IL1RAPL2: variants seen among roughly 807,000 people sequenced by gnomAD.
IL1RAPL2 encodes the protein interleukin 1 receptor accessory protein like 2, also known as X-linked interleukin-1 receptor accessory protein-like 2.
Under a neutral mutation model 44.1 loss-of-function variants are expected in IL1RAPL2, and 3 were observed. That is an observed-to-expected ratio of 0.07 (90% CI 0.03 to 0.18). The LOEUF (loss-of-function observed/expected upper bound fraction) is 0.18. Ranked by LOEUF, IL1RAPL2 falls within the 10% of genes least tolerant of loss-of-function variation. The probability of loss-of-function intolerance (pLI) is 1.00; values close to 1 mark genes in which losing one functional copy is unlikely to be tolerated. For missense variants in IL1RAPL2, 391 were observed against 496.4 expected, an observed-to-expected ratio of 0.79 and a Z score of 2.02; for synonymous variants, 181 against 178.8, an observed-to-expected ratio of 1.01 and a Z score of -0.10.
intron 2 of IL1RAPL2, among the ~76,000 whole-genome samples, chrX:104,812,275 T>C (rs1480786551): frequency 1.8e-5 from 2 of 111,649 alleles, no homozygotes; most frequent in African/African-American, 6.5e-5. Flanking sequence ...AATATGATAG[T>C]GTCTATATTT....
intron 1 of IL1RAPL2, among the ~76,000 whole-genome samples, chrX:104,604,633 C>CAAAAAAAAA (rs36050333): frequency 4.8e-4 from 15 of 31,090 alleles, no homozygotes; most frequent in Non-Finnish European, 5.7e-4. Flanking sequence ...AAATGCATAG[C>CAAAAAAAAA]AAAAAAAAAA....
intron 6 of IL1RAPL2, among the ~76,000 whole-genome samples, chrX:105,570,720 C>T (rs1216612531): frequency 8.9e-6 from 1 of 112,152 alleles, no homozygotes; most frequent in Non-Finnish European, 1.9e-5. Context: ...CATTCTACCT[C>T]CCACTTTTAA....
intron 2 of IL1RAPL2, among the ~76,000 whole-genome samples, chrX:105,029,586 A>C (rs140697810): frequency 0.46 from 49,447 of 106,531 alleles, 9,367 homozygotes; most frequent in East Asian, 0.75. Context: ...TGAACTCATC[A>C]TTTTTTATGG....
chrX:105,580,428 C>A (rs1273537619), intron 6 of IL1RAPL2, among the ~76,000 whole-genome samples: 4 of 102,973 alleles, frequency 3.9e-5, no homozygotes, highest in Non-Finnish European at 7.9e-5. Flanking sequence ...AGCTGAATGA[C>A]TGTACAGCTG....
chrX:104,597,872 A>G (rs778745916), intron 1 of IL1RAPL2, among the ~76,000 whole-genome samples: 2 of 111,983 alleles, frequency 1.8e-5, no homozygotes, highest in Non-Finnish European at 3.8e-5. Flanking sequence ...GTACCTATTG[A>G]ACATCAAATG....
At chrX:104,824,987 G>A (rs1458102521) in intron 2 of IL1RAPL2, among the ~76,000 whole-genome samples, 3 of 111,275 alleles carry the variant, frequency 2.7e-5, no homozygotes, top group Non-Finnish European at 1.9e-5. Context: ...TAAATGGGGA[G>A]GATAATGAAA....
At chrX:104,910,760 C>T (rs1165281304) in intron 2 of IL1RAPL2, among the ~76,000 whole-genome samples, 2 of 111,841 alleles carry the variant, frequency 1.8e-5, no homozygotes, top group Non-Finnish European at 3.8e-5. Flanking sequence ...TTCACGTGCA[C>T]ACCTAATTCA....
chrX:105,448,232 G>A (rs1462049747), intron 5 of IL1RAPL2, among the ~76,000 whole-genome samples: 2 of 109,441 alleles, frequency 1.8e-5, no homozygotes, highest in Non-Finnish European at 3.8e-5. Flanking sequence ...TGGGTTAAGT[G>A]TGCTGGGTGT....
At chrX:104,814,577 A>C (rs2147620381) in intron 2 of IL1RAPL2, among the ~76,000 whole-genome samples, 1 of 112,097 alleles carries the variant, frequency 8.9e-6, no homozygotes, top group South Asian at 3.7e-4. Flanking sequence ...AATCTAACAT[A>C]GAGGAAGACC....
chrX:104,862,271 G>C (rs779399703), intron 2 of IL1RAPL2, among the ~76,000 whole-genome samples: 2 of 110,843 alleles, frequency 1.8e-5, no homozygotes, highest in East Asian at 2.8e-4. Flanking sequence ...CCTTAAATAA[G>C]TCATTGGTTA....
At chrX:105,431,598 C>A (rs987893447) in intron 5 of IL1RAPL2, among the ~76,000 whole-genome samples, 1 of 111,258 alleles carries the variant, frequency 9.0e-6, no homozygotes, top group Non-Finnish European at 1.9e-5. Context: ...CATTAAAAAT[C>A]TCTTCTAGCT....
chrX:105,052,439 C>G lies in IL1RAPL2; in HGVS notation c.83-143036C>G, dbSNP rs1360255075. Reference sequence around the variant, plus strand: ...TTTAGAATTCTGTTATAATGGAACACAAGGGATATTGAAAGAAAATTAGGT... The same window carrying G: ...TTTAGAATTCTGTTATAATGGAACAGAAGGGATATTGAAAGAAAATTAGGT... On this transcript the variant is annotated intron_variant, in intron 2 of 10. Transcript: ENST00000372582. 2.7e-5 allele frequency among the ~76,000 whole-genome samples: 3 copies of G among 111,474 alleles called. No homozygotes were observed. The East Asian group carries it at 8.4e-4, about 31-fold the overall frequency.
intron 6 of IL1RAPL2, among the ~76,000 whole-genome samples, chrX:105,675,091 A>T (rs1320770172): frequency 2.7e-5 from 3 of 110,886 alleles, no homozygotes; most frequent in African/African-American, 9.9e-5. Flanking sequence ...TAGATATAGG[A>T]TCATGTCATC....
At chrX:105,308,125 C>T (rs1170246485) in intron 5 of IL1RAPL2, among the ~76,000 whole-genome samples, 1 of 111,163 alleles carries the variant, frequency 9.0e-6, no homozygotes, top group Non-Finnish European at 1.9e-5. Context: ...CTCATACCTC[C>T]AGTTTCAATC....
At chrX:104,973,709 T>C (rs1000447129) in intron 2 of IL1RAPL2, among the ~76,000 whole-genome samples, 1 of 112,018 alleles carries the variant, frequency 8.9e-6, no homozygotes, top group Non-Finnish European at 1.9e-5. Context: ...ACACAAAAAA[T>C]TTATTTTATA....
chrX:105,686,627 G>C (rs899388243), intron 6 of IL1RAPL2, among the ~76,000 whole-genome samples: 2 of 110,546 alleles, frequency 1.8e-5, no homozygotes, highest in Non-Finnish European at 3.8e-5. Context: ...AATAATGGGA[G>C]ACTTTAACAC....
intron 2 of IL1RAPL2, among the ~76,000 whole-genome samples, chrX:105,039,098 G>T (rs1227256200): frequency 1.8e-5 from 2 of 111,582 alleles, no homozygotes; most frequent in African/African-American, 6.5e-5. Flanking sequence ...AAGATTAAAA[G>T]AACAAAGTAC....
chrX:105,558,800 A>G, intron 6 of IL1RAPL2, among the ~76,000 whole-genome samples: 1 of 112,363 alleles, frequency 8.9e-6, no homozygotes, highest in East Asian at 2.8e-4. Flanking sequence ...ATGTGTAATG[A>G]GATTTGTGTA....
At chrX:105,729,356 A>G (rs1054044247) in intron 7 of IL1RAPL2, among the ~76,000 whole-genome samples, 3 of 111,612 alleles carry the variant, frequency 2.7e-5, no homozygotes, top group Non-Finnish European at 5.7e-5. Flanking sequence ...ATCCTTGCCA[A>G]AATTTGATGT....
Sources: gnomAD v4.1 joint callset for allele counts (sites outside exome capture counted in the v4.1 genomes callset) on GRCh38, gnomAD v4.1.1 for gene constraint, MANE v1.5 for transcripts, NCBI Gene and HGNC (gene_info 2026-07-23, HGNC 2026-07-21) for gene names.